Variants in GNA11 observed in about 807,000 individuals in gnomAD.
GNA11 encodes the protein guanine nucleotide-binding protein subunit alpha-11.
A neutral mutation model predicts 38.2 loss-of-function variants in GNA11; 8 were observed. The observed-to-expected ratio is 0.21, with a 90% CI of 0.12 to 0.38. The LOEUF is 0.38. Among genes scored for constraint, GNA11 ranks in the 10% least tolerant of loss-of-function variants. The pLI, the probability that GNA11 is intolerant of heterozygous loss-of-function variation, is 1.00. For synonymous variants in GNA11, 211 were observed against 221.4 expected (o/e 0.95, Z 0.42); for missense variants, 268 against 516.3 (o/e 0.52, Z 4.66).
At chr19:3,113,893 C>CT (rs1325932853) in intron 3 of GNA11, among the ~76,000 whole-genome samples, 4 of 152,200 alleles carry the variant, frequency 2.6e-5, no homozygotes, top group African/African-American at 9.7e-5. Context: ...CCCAGAGCCA[C>CT]GTCTCCCACT....
intron 1 of GNA11, among the ~76,000 whole-genome samples, chr19:3,106,644 G>T (rs1224283684): frequency 4.0e-5 from 2 of 50,528 alleles, no homozygotes; most frequent in African/African-American, 1.0e-4. Flanking sequence ...GGTGCACATG[G>T]GTTAACATGC....
rs1194188209 is a variant in GNA11, at chr19:3,110,126, C to T, written c.137-23C>T. 2 of 1,575,860 alleles carry T rather than the reference C, an allele frequency of 1.3e-6. No homozygotes were observed. Among genetic ancestry groups the T allele is most frequent in the Non-Finnish European group, 8.6e-7 (1 of 1,159,460 alleles). ...AGAGTCAGGCCCCGGCTGCCGCCCGCCCTCACGTGCCCCGTCCCCCAGGCA... is the reference window on the plus strand; with the variant it reads ...AGAGTCAGGCCCCGGCTGCCGCCCGTCCTCACGTGCCCCGTCCCCCAGGCA... On this transcript the variant is annotated intron_variant, in intron 1 of 6. Coordinates refer to ENST00000078429, the MANE Select transcript of GNA11 (RefSeq NM_002067.5). The surrounding 1 kb of genome is among the most constrained non-coding windows in gnomAD (Gnocchi z 5.4).
Position 3,121,141 on chromosome 19 carries a change from A to C in GNA11, c.1042A>C (p.Ile348Leu). Residue 348 changes from isoleucine (I) to leucine (L), a missense_variant, in exon 7 of 7, where the codon ATC becomes CTC. Coordinates refer to ENST00000078429, the MANE Select transcript of GNA11 (RefSeq NM_002067.5). ...RFVFAAVKDT[I>L]LQLNLKEYNL... The stretch of plus-strand genomic sequence containing the variant: ...CGTGTTCGCGGCCGTGAAGGACACC[A>C]TCCTGCAGCTCAACCTCAAGGAGTA... 1 of 1,613,684 alleles carries C rather than the reference A, an allele frequency of 6.2e-7. No individual in the cohort carries two copies. Among genetic ancestry groups the C allele is most frequent in the Non-Finnish European group, 8.5e-7 (1 of 1,179,830 alleles).
rs1387910624 is a variant in GNA11 at position 3,108,906 on chromosome 19, C to G, written c.137-1243C>G. The stretch of plus-strand genomic sequence containing the variant: ...TTGGTGGGAGGCCTCAGTTCCTCAC[C>G]ACGTGGGCCTCTCCGTGAAGCTGCT... On this transcript the variant is annotated intron_variant, in intron 1 of 6. Transcript: ENST00000078429. The surrounding 1 kb of genome is among the most constrained non-coding windows in gnomAD (Gnocchi z 4.5). 6.6e-6 allele frequency among the ~76,000 whole-genome samples: 1 copy of G among 152,130 alleles called. No homozygotes were observed. The highest frequency in any genetic ancestry group is 1.5e-5 in the Non-Finnish European group (1 of 68,030).
chr19:3,108,952 C>T lies in GNA11; in HGVS notation c.137-1197C>T, dbSNP rs990497576. ...CTGCTTGAGGGTCCTCACAGCGTGG[C>T]GGCTGCCTACCCCAGAGCCCCTGAC... On this transcript the variant is annotated intron_variant, in intron 1 of 6. Coordinates refer to ENST00000078429, the MANE Select transcript of GNA11 (RefSeq NM_002067.5). The surrounding 1 kb of genome is among the most constrained non-coding windows in gnomAD (Gnocchi z 4.5). Among the ~76,000 whole-genome samples the T allele has an allele frequency of 9.8e-5, 15 of 152,304 alleles. No individual in the cohort carries two copies. Among genetic ancestry groups the T allele is most frequent in the South Asian group, 4.1e-4 (2 of 4,826 alleles).
At chr19:3,107,739 G>T (rs1484160838) in intron 1 of GNA11, among the ~76,000 whole-genome samples, 2 of 152,194 alleles carry the variant, frequency 1.3e-5, no homozygotes, top group Non-Finnish European at 2.9e-5. Context: ...GAGATGGAGT[G>T]GGTGGGGGCC....
chr19:3,098,918 T>C (rs574076815), intron 1 of GNA11, among the ~76,000 whole-genome samples: 2 of 152,312 alleles, frequency 1.3e-5, no homozygotes, highest in Non-Finnish European at 2.9e-5. Flanking sequence ...GTTATGATGA[T>C]TGTGGCTGAA....
rs554795528 is a variant in GNA11, at chr19:3,110,783, GT to G, written c.321+457del. Among the ~76,000 whole-genome samples, 34 of 136,698 alleles carry G rather than the reference GT, an allele frequency of 2.5e-4. No individual in the cohort carries two copies. Among genetic ancestry groups the G allele is most frequent in the Non-Finnish European group, 4.6e-4 (28 of 60,478 alleles). 89.7% of individuals were successfully genotyped at this position (136,698 alleles called of 152,430 possible). A position where few individuals can be genotyped will look rare whatever the true frequency, so the allele number is the denominator to read the frequency against. On this transcript the variant is annotated intron_variant, in intron 2 of 6. Coordinates refer to ENST00000078429, the MANE Select transcript of GNA11 (RefSeq NM_002067.5). The surrounding 1 kb of genome is among the most constrained non-coding windows in gnomAD (Gnocchi z 5.4). ...GCTGTACTTCTCACCTTCTCACACT[GT>G]TTTTTTGTTTTGTTTTGTTTTGTTT...
At chr19:3,099,991 C>T (rs893482056) in intron 1 of GNA11, among the ~76,000 whole-genome samples, 1 of 151,622 alleles carries the variant, frequency 6.6e-6, no homozygotes, top group African/African-American at 2.4e-5. Flanking sequence ...TCCTGCCGCA[C>T]GTGGGGACCC....
At chr19:3,111,520 C>T (rs1913774685) in intron 2 of GNA11, among the ~76,000 whole-genome samples, 3 of 152,250 alleles carry the variant, frequency 2.0e-5, no homozygotes, top group Non-Finnish European at 4.4e-5. Context: ...ATGGCTGAGT[C>T]ATGTTCCAGT....
intron 4 of GNA11, among the ~76,000 whole-genome samples, chr19:3,116,929 C>A (rs1913939597): frequency 6.6e-6 from 1 of 152,152 alleles, no homozygotes; most frequent in African/African-American, 2.4e-5. Flanking sequence ...CCCCTGCCAT[C>A]TGCCTGTTCT....
At chr19:3,114,634 G>A (rs1225587010) in intron 3 of GNA11, among the ~76,000 whole-genome samples, 1 of 152,176 alleles carries the variant, frequency 6.6e-6, no homozygotes, top group East Asian at 1.9e-4. Context: ...CTTGGTGGCC[G>A]TCTCTGGACA....
chr19:3,109,514 T>C (rs538785072), intron 1 of GNA11, among the ~76,000 whole-genome samples: 115 of 152,152 alleles, frequency 7.6e-4, no homozygotes, highest in Non-Finnish European at 1.3e-3. Context: ...CGTAAAGGGG[T>C]TCAGGGATGT....
chr19:3,098,334 G>A (rs1913423150), intron 1 of GNA11, among the ~76,000 whole-genome samples: 1 of 152,260 alleles, frequency 6.6e-6, no homozygotes. Context: ...GGCCTGGAGA[G>A]CTCTTGCAGG....
chr19:3,096,444 A>C (rs375425642), intron 1 of GNA11, among the ~76,000 whole-genome samples: 1 of 152,086 alleles, frequency 6.6e-6, no homozygotes, highest in Non-Finnish European at 1.5e-5. Context: ...TGTCATAAAG[A>C]TCTTACCAGA....
intron 1 of GNA11, among the ~76,000 whole-genome samples, chr19:3,101,672 G>A (rs1913511802): frequency 6.6e-6 from 1 of 152,216 alleles, no homozygotes; most frequent in South Asian, 2.1e-4. Context: ...CTCAGGTGGA[G>A]ATGTCCAGGC....
rs751944446 is a variant in GNA11, at chr19:3,094,628, G to C, written c.-24G>C. On this transcript the variant is annotated 5_prime_UTR_variant, in exon 1 of 7. Transcript: ENST00000078429. The surrounding 1 kb of genome is among the most constrained non-coding windows in gnomAD (Gnocchi z 6.0). ...GCCGGGGGGCGGCGGCGGGCAGGCG[G>C]CCGCGTCGGCCGGGGCCGGGACGAT... 84 of 1,192,904 alleles carry C rather than the reference G, an allele frequency of 7.0e-5. No individual in the cohort carries two copies. Among genetic ancestry groups the C allele is most frequent in the Non-Finnish European group, 8.6e-5 (81 of 944,662 alleles). 73.9% of individuals were successfully genotyped at this position (1,192,904 alleles called of 1,614,324 possible).
chr19:3,105,598 C>T (rs184510214), intron 1 of GNA11, among the ~76,000 whole-genome samples: 5 of 152,188 alleles, frequency 3.3e-5, no homozygotes, highest in Middle Eastern at 6.8e-3. Flanking sequence ...AAGCTGATCC[C>T]GCCTCCCAAC....
At chr19:3,111,414 C>T (rs913238826) in intron 2 of GNA11, among the ~76,000 whole-genome samples, 3 of 152,112 alleles carry the variant, frequency 2.0e-5, no homozygotes, top group Non-Finnish European at 2.9e-5. Context: ...TGGGATTGCA[C>T]GCCATGTGGC....
Sources: allele counts gnomAD v4.1 joint callset (sites outside exome capture counted in the v4.1 genomes callset), GRCh38; gene constraint gnomAD v4.1.1; non-coding constraint Gnocchi (gnomAD v3.1); transcripts MANE v1.5; gene names NCBI Gene and HGNC (gene_info 2026-07-23, HGNC 2026-07-21).